Variants in KCNAB1 observed in about 807,000 individuals in gnomAD.
KCNAB1 encodes the protein voltage-gated potassium channel subunit beta-1.
Under a neutral mutation model 64.6 loss-of-function variants are expected in KCNAB1, and 35 were observed. The observed-to-expected ratio is 0.54, with a 90% CI of 0.41 to 0.72. The LOEUF is 0.72. Among genes scored for constraint, KCNAB1 ranks in the 30% least tolerant of loss-of-function variants. KCNAB1 has a pLI of 0.00. For missense variants in KCNAB1, 401 were observed against 512.9 expected (o/e 0.78, Z 2.11); for synonymous variants, 177 against 183.8 (o/e 0.96, Z 0.30).
intron 7 of KCNAB1, among the ~76,000 whole-genome samples, chr3:156,466,476 ATAGTTTT>A: frequency 6.6e-6 from 1 of 151,944 alleles, no homozygotes; most frequent in Middle Eastern, 3.4e-3. Flanking sequence ...TAAGACTACT[ATAGTTTT>A]TAGTTTTTAT....
chr3:156,146,970 T>G (rs1466474421), intron 1 of KCNAB1, among the ~76,000 whole-genome samples: 1 of 152,148 alleles, frequency 6.6e-6, no homozygotes, highest in Admixed American at 6.5e-5. Flanking sequence ...TTTTAAACCT[T>G]TTTGTTTCCA....
rs145460358 is a variant in KCNAB1, at chr3:156,267,548, T to C, written c.275+146662T>C. On this transcript the variant is annotated intron_variant, in intron 1 of 13. Coordinates refer to ENST00000490337, the MANE Select transcript of KCNAB1 (RefSeq NM_172160.3). ...ACAAGTCCAAGATGATTTATGTACA[T>C]TGTTTTGCATCACTTATTACATAAA... 2.2e-3 allele frequency among the ~76,000 whole-genome samples: 330 copies of C among 152,278 alleles called. 3 individuals are homozygous for C. Among genetic ancestry groups the C allele is most frequent in the African/African-American group, 7.5e-3 (312 of 41,546 alleles).
intron 1 of KCNAB1, among the ~76,000 whole-genome samples, chr3:156,253,546 G>T (rs1252332744): frequency 6.6e-6 from 1 of 152,228 alleles, no homozygotes; most frequent in Non-Finnish European, 1.5e-5. Context: ...CAACCCAGAA[G>T]ATTCTGATGG....
intron 1 of KCNAB1, among the ~76,000 whole-genome samples, chr3:156,342,609 A>ATTTTTTTTTTTTTTTTTTAT (rs59689669): frequency 9.6e-6 from 1 of 104,694 alleles, no homozygotes; most frequent in Non-Finnish European, 2.0e-5. Flanking sequence ...TTTTTTTTTA[A>ATTTTTTTTTTTTTTTTTTAT]TTTTTTTTTT....
intron 1 of KCNAB1, among the ~76,000 whole-genome samples, chr3:156,284,581 C>A (rs1386191999): frequency 6.6e-6 from 1 of 152,200 alleles, no homozygotes; most frequent in African/African-American, 2.4e-5. Flanking sequence ...TGCTGCCTTG[C>A]AGTTTGATCT....
intron 1 of KCNAB1, among the ~76,000 whole-genome samples, chr3:156,364,179 C>T (rs1239527331): frequency 6.6e-6 from 1 of 152,174 alleles, no homozygotes; most frequent in Non-Finnish European, 1.5e-5. Flanking sequence ...TGTCCCATTC[C>T]TCTGGATTCA....
intron 1 of KCNAB1, among the ~76,000 whole-genome samples, chr3:156,332,583 A>C (rs1424779002): frequency 2.6e-5 from 4 of 152,096 alleles, no homozygotes; most frequent in Non-Finnish European, 5.9e-5. Context: ...TGCTATAAGG[A>C]ATGTCTCCAA....
At chr3:156,172,218 C>T (rs1023823562) in intron 1 of KCNAB1, among the ~76,000 whole-genome samples, 7 of 151,854 alleles carry the variant, frequency 4.6e-5, no homozygotes, top group Non-Finnish European at 1.0e-4. Flanking sequence ...GTGTGACAGA[C>T]AGAGGGACAG....
intron 1 of KCNAB1, among the ~76,000 whole-genome samples, chr3:156,219,402 T>C (rs1425153903): frequency 6.6e-6 from 1 of 151,546 alleles, no homozygotes; most frequent in Admixed American, 6.6e-5. Flanking sequence ...ACCTAATCCG[T>C]CAAAGACAAA....
intron 1 of KCNAB1, among the ~76,000 whole-genome samples, chr3:156,282,345 T>C: frequency 2.1e-5 from 3 of 145,486 alleles, no homozygotes; most frequent in African/African-American, 7.9e-5. Flanking sequence ...TTGTTATAAT[T>C]TCTGTTCTTT....
At chr3:156,212,393 T>TA (rs955903478) in intron 1 of KCNAB1, among the ~76,000 whole-genome samples, 1 of 152,152 alleles carries the variant, frequency 6.6e-6, no homozygotes, top group Non-Finnish European at 1.5e-5. Context: ...CTTTTATGAA[T>TA]AAAAAAATGC....
intron 1 of KCNAB1, among the ~76,000 whole-genome samples, chr3:156,214,670 C>T (rs996936301): frequency 6.6e-6 from 1 of 152,174 alleles, no homozygotes; most frequent in Non-Finnish European, 1.5e-5. Context: ...CATCTACAGG[C>T]TGGAAAGGAT....
chr3:156,274,979 G>A (rs760140045), intron 1 of KCNAB1, among the ~76,000 whole-genome samples: 8 of 152,122 alleles, frequency 5.3e-5, no homozygotes, highest in Non-Finnish European at 1.0e-4. Context: ...TAGCGATCTT[G>A]CGTAACAGAA....
intron 4 of KCNAB1, among the ~76,000 whole-genome samples, chr3:156,457,774 A>G (rs1291001815): frequency 6.6e-6 from 1 of 152,176 alleles, no homozygotes; most frequent in Non-Finnish European, 1.5e-5. Context: ...GAAGGGGTAT[A>G]TGACCAGGAA....
intron 8 of KCNAB1, among the ~76,000 whole-genome samples, chr3:156,496,455 C>A (rs1038902322): frequency 6.6e-6 from 1 of 152,130 alleles, no homozygotes. Context: ...GTAAGACGTG[C>A]CTTCGCTCCT....
chr3:156,136,204 A>C (rs1015225496), intron 1 of KCNAB1, among the ~76,000 whole-genome samples: 1 of 152,240 alleles, frequency 6.6e-6, no homozygotes. Flanking sequence ...ACAGCATTGC[A>C]GGTATTATAA....
chr3:156,464,997 A>G (rs1337650232), intron 6 of KCNAB1, among the ~76,000 whole-genome samples: 1 of 152,204 alleles, frequency 6.6e-6, no homozygotes, highest in Non-Finnish European at 1.5e-5. Context: ...TATTATATTT[A>G]AAAAGAAGCT....
At chr3:156,142,305 G>A (rs887359674) in intron 1 of KCNAB1, among the ~76,000 whole-genome samples, 3 of 152,176 alleles carry the variant, frequency 2.0e-5, no homozygotes, top group Admixed American at 6.5e-5. Flanking sequence ...TGCTTTTGGT[G>A]TCAAGTCTAA....
intron 1 of KCNAB1, among the ~76,000 whole-genome samples, chr3:156,184,482 C>G (rs1713067537): frequency 6.6e-6 from 1 of 152,076 alleles, no homozygotes; most frequent in African/African-American, 2.4e-5. Flanking sequence ...AGAAGGAGAC[C>G]CTGCAAGGTG....
Sources: gnomAD v4.1 joint callset for allele counts (sites outside exome capture counted in the v4.1 genomes callset) on GRCh38, gnomAD v4.1.1 for gene constraint, MANE v1.5 for transcripts, NCBI Gene and HGNC (gene_info 2026-07-23, HGNC 2026-07-21) for gene names.